The following PXDNL variants were observed in gnomAD, a reference collection of about 807,000 sequenced individuals.
PXDNL encodes probable oxidoreductase PXDNL.
PXDNL carries 145 observed loss-of-function variants against 150.8 expected under a neutral mutation model. The ratio of observed to expected loss-of-function variants is 0.96; its 90% CI spans 0.84 to 1.10. PXDNL has a LOEUF of 1.10. PXDNL is among the 50% of genes least tolerant of loss of function. PXDNL has a pLI of 0.00. For synonymous variants in PXDNL, 757 were observed against 725.7 expected (o/e 1.04, Z -0.69); for missense variants, 2,087 against 1,873.9 (o/e 1.11, Z -2.10).
chr8:51,663,051 C>T (rs989993715), intron 1 of PXDNL, among the ~76,000 whole-genome samples: 4 of 152,200 alleles, frequency 2.6e-5, no homozygotes, highest in East Asian at 1.9e-4. Context: ...CACTCACATA[C>T]TCATCCCAGC....
intron 20 of PXDNL, among the ~76,000 whole-genome samples, chr8:51,342,801 C>G (rs2130690572): frequency 6.7e-6 from 1 of 149,362 alleles, no homozygotes. Flanking sequence ...GGTAAGAATA[C>G]TGCAGCTTAG....
At chr8:51,674,089 C>G (rs1001830436) in intron 1 of PXDNL, among the ~76,000 whole-genome samples, 1 of 152,188 alleles carries the variant, frequency 6.6e-6, no homozygotes, top group Non-Finnish European at 1.5e-5. Context: ...GCCTTTTCAT[C>G]TCTTTAATAC....
chr8:51,448,190 A>G (rs899994828), intron 11 of PXDNL, among the ~76,000 whole-genome samples: 7 of 152,208 alleles, frequency 4.6e-5, no homozygotes, highest in Admixed American at 3.3e-4. Flanking sequence ...CATCCAGCCA[A>G]TCGTCAATCC....
intron 1 of PXDNL, among the ~76,000 whole-genome samples, chr8:51,755,841 T>A (rs1351177419): frequency 6.6e-6 from 1 of 152,220 alleles, no homozygotes; most frequent in Non-Finnish European, 1.5e-5. Context: ...ATAGAGAAAT[T>A]TCACTCTGCT....
chr8:51,408,311 A>T lies in PXDNL; in HGVS notation c.3313T>A (p.Phe1105Ile). 1 of 1,613,984 alleles carries T rather than the reference A, an allele frequency of 6.2e-7. No homozygotes were observed. Among genetic ancestry groups the T allele is most frequent in the East Asian group, 2.2e-5 (1 of 44,874 alleles). ...GGIDPVLRGL[F>I]GVAAKWRAPS... is the part of the protein sequence containing the mutation. ...GCCCGCCATTTAGCAGCCACGCCAAACAGCCCCCGGAGAACCGGGTCTATC... is the reference window on the plus strand; with the variant it reads ...GCCCGCCATTTAGCAGCCACGCCAATCAGCCCCCGGAGAACCGGGTCTATC... The change falls in exon 17 of 23, where the codon TTT becomes ATT. Residue 1105 changes from phenylalanine to isoleucine, a missense_variant. Coordinates refer to ENST00000356297, the MANE Select transcript of PXDNL (RefSeq NM_144651.5).
intron 14 of PXDNL, among the ~76,000 whole-genome samples, chr8:51,419,939 T>C (rs1276169033): frequency 6.6e-6 from 1 of 152,184 alleles, no homozygotes; most frequent in Non-Finnish European, 1.5e-5. Context: ...ATGTAAACTG[T>C]TTACAAATCT....
chr8:51,497,808 C>T (rs7832768), intron 5 of PXDNL, among the ~76,000 whole-genome samples: 54,612 of 151,958 alleles, frequency 0.36, 11,754 homozygotes, highest in African/African-American at 0.6. Flanking sequence ...TGTGGAGAAA[C>T]AGGAACACTT....
chr8:51,448,522 G>A (rs893165799), intron 11 of PXDNL, among the ~76,000 whole-genome samples: 1 of 152,046 alleles, frequency 6.6e-6, no homozygotes, highest in African/African-American at 2.4e-5. Flanking sequence ...GGCTAACACG[G>A]TGAAACCCCG....
chr8:51,433,864 TAA>T (rs1345019420), intron 12 of PXDNL, among the ~76,000 whole-genome samples: 4 of 152,202 alleles, frequency 2.6e-5, no homozygotes, highest in South Asian at 2.1e-4. Flanking sequence ...TATTCCATTG[TAA>T]GTCAGTATTT....
chr8:51,793,471 C>T (rs529350831), intron 1 of PXDNL, among the ~76,000 whole-genome samples: 6 of 152,162 alleles, frequency 3.9e-5, no homozygotes, highest in South Asian at 4.1e-4. Flanking sequence ...AAGGGCACAG[C>T]GCTGAGCAGA....
intron 1 of PXDNL, among the ~76,000 whole-genome samples, chr8:51,699,022 G>A (rs991238614): frequency 2.6e-5 from 4 of 152,138 alleles, no homozygotes; most frequent in Non-Finnish European, 4.4e-5. Flanking sequence ...AGGCTTTGTT[G>A]TTCCACTTCT....
At chr8:51,548,094 C>CA (rs35793477) in intron 4 of PXDNL, among the ~76,000 whole-genome samples, 16,188 of 100,976 alleles carry the variant, frequency 0.16, 1,781 homozygotes, top group African/African-American at 0.34. Flanking sequence ...CTTCAGAATT[C>CA]AAAAAAAAAA....
intron 21 of PXDNL, among the ~76,000 whole-genome samples, chr8:51,323,158 C>G (rs1340201120): frequency 1.3e-5 from 2 of 152,102 alleles, no homozygotes; most frequent in African/African-American, 4.8e-5. Context: ...ACTTTTATGT[C>G]CAAAAACACT....
rs533089971 is a variant in PXDNL at position 51,766,745 on chromosome 8, A to T, written c.164+42436T>A. On this transcript the variant is annotated intron_variant, in intron 1 of 22. Coordinates refer to ENST00000356297, the MANE Select transcript of PXDNL (RefSeq NM_144651.5). Reference sequence around the variant, plus strand: ...TTATTTGTGATGCATCTTTTTTTTAAAAAAAAAAGATGTCTTCAACAGATT... The same window carrying T: ...TTATTTGTGATGCATCTTTTTTTTATAAAAAAAAGATGTCTTCAACAGATT... Among the ~76,000 whole-genome samples, 240 of 147,980 alleles carry T rather than the reference A, an allele frequency of 1.6e-3. 1 individual carries two copies. Among genetic ancestry groups the T allele is most frequent in the Non-Finnish European group, 2.5e-3 (165 of 65,822 alleles).
At chr8:51,530,747 G>A (rs1274763164) in intron 4 of PXDNL, among the ~76,000 whole-genome samples, 1 of 152,002 alleles carries the variant, frequency 6.6e-6, no homozygotes, top group African/African-American at 2.4e-5. Context: ...CCTCAGTCCT[G>A]CTGTGAGGGC....
At chr8:51,576,405 A>G (rs1036778605) in intron 3 of PXDNL, among the ~76,000 whole-genome samples, 7 of 151,954 alleles carry the variant, frequency 4.6e-5, no homozygotes, top group African/African-American at 1.7e-4. Context: ...CTTGGAAACC[A>G]AACAACGTAC....
chr8:51,585,981 T>TG (rs2130640232), intron 3 of PXDNL, among the ~76,000 whole-genome samples: 1 of 152,176 alleles, frequency 6.6e-6, no homozygotes, highest in Non-Finnish European at 1.5e-5. Context: ...CCTCAACCCC[T>TG]GGAAGCCCCA....
intron 19 of PXDNL, among the ~76,000 whole-genome samples, chr8:51,367,100 C>CAAAAAAA (rs58282258): frequency 3.6e-5 from 2 of 55,258 alleles, no homozygotes; most frequent in African/African-American, 6.4e-5. Flanking sequence ...ACTCTTGTCT[C>CAAAAAAA]AAAAAAAAAA....
intron 9 of PXDNL, among the ~76,000 whole-genome samples, chr8:51,454,830 C>G (rs1298575861): frequency 1.3e-5 from 2 of 152,140 alleles, no homozygotes; most frequent in Non-Finnish European, 2.9e-5. Context: ...CTTGTGTGCT[C>G]CTACTCTAGC....
Sources: allele counts gnomAD v4.1 joint callset (sites outside exome capture counted in the v4.1 genomes callset), GRCh38; gene constraint gnomAD v4.1.1; transcripts MANE v1.5; gene names NCBI Gene and HGNC (gene_info 2026-07-23, HGNC 2026-07-21).